RPTOR: variants seen among roughly 807,000 people sequenced by gnomAD.
The protein encoded by RPTOR is regulatory-associated protein of mTOR.
Under a neutral mutation model 169.9 loss-of-function variants are expected in RPTOR, and 21 were observed. The observed-to-expected ratio is 0.12, with a 90% CI of 0.09 to 0.18. The LOEUF is 0.18. Ranked by LOEUF, RPTOR falls within the 10% of genes least tolerant of loss-of-function variation. The pLI, the probability that RPTOR is intolerant of heterozygous loss-of-function variation, is 1.00. For missense variants in RPTOR, 1,133 were observed against 1,855.9 expected (o/e 0.61, Z 7.16); for synonymous variants, 732 against 753.2 (o/e 0.97, Z 0.46).
chr17:80,780,750 C>T (rs890316818), intron 6 of RPTOR, among the ~76,000 whole-genome samples: 4 of 152,192 alleles, frequency 2.6e-5, no homozygotes, highest in African/African-American at 9.7e-5. Context: ...GTGGATCCTG[C>T]AGCTCCCTTC....
At chr17:80,829,279 T>G (rs543515533) in intron 9 of RPTOR, among the ~76,000 whole-genome samples, 4 of 152,062 alleles carry the variant, frequency 2.6e-5, no homozygotes, top group African/African-American at 9.6e-5. Flanking sequence ...GAGGCAGGCG[T>G]GGGGGCTTTC....
intron 5 of RPTOR, among the ~76,000 whole-genome samples, chr17:80,740,721 A>G (rs2066474963): frequency 1.3e-5 from 2 of 152,284 alleles, no homozygotes; most frequent in Non-Finnish European, 1.5e-5. Flanking sequence ...GAGAAAACAA[A>G]CAAAAAAAAA....
At chr17:80,631,423 G>A (rs199775101) in intron 2 of RPTOR, among the ~76,000 whole-genome samples, 2 of 152,236 alleles carry the variant, frequency 1.3e-5, no homozygotes, top group East Asian at 3.9e-4. Context: ...ATATGCAAGC[G>A]CACACTGGGG....
At position 80,791,450 on chromosome 17, in the gene RPTOR, G is replaced by T; in HGVS notation, c.831G>T (p.Trp277Cys). 1.2e-6 allele frequency: 2 copies of T among 1,613,016 alleles called. No individual in the cohort carries two copies. The highest frequency in any genetic ancestry group is 1.7e-6 in the Non-Finnish European group (2 of 1,179,704). The change falls in exon 7 of 34, where the codon TGG becomes TGT. Residue 277 changes from tryptophan (W) to cysteine (C), a missense_variant and splice_region_variant. By Grantham distance (215) the Trp-to-Cys change is radical. This residue lies in a region of RPTOR where 289 missense variants were observed against 585.8 expected (regional missense o/e 0.49). Transcript: ENST00000306801. ...TTCACATTCTTTTCTTTCTCTGCAGGTTTTGCATGCAGAAATGTGTCAGTC... is the reference window on the plus strand; with the variant it reads ...TTCACATTCTTTTCTTTCTCTGCAGTTTTTGCATGCAGAAATGTGTCAGTC... ...LTTPIKIALR[W>C]FCMQKCVSLV...
At chr17:80,550,349 C>G (rs2084329608) in intron 1 of RPTOR, among the ~76,000 whole-genome samples, 1 of 152,212 alleles carries the variant, frequency 6.6e-6, no homozygotes, top group African/African-American at 2.4e-5. Context: ...TCGGATTTTC[C>G]TCTTAGGTCA....
rs537666109 is a variant in RPTOR, at chr17:80,959,170, G to A, written c.3478-908G>A. On this transcript the variant is annotated intron_variant, in intron 29 of 33. Transcript: ENST00000306801. The surrounding 1 kb of genome is among the most constrained non-coding windows in gnomAD (Gnocchi z 6.7). The stretch of plus-strand genomic sequence containing the variant: ...CCGTGTGGGCAGCCTCCCCTCTGAC[G>A]TGACCGTGGATCCCTCGAGGCACCA... 1.8e-4 allele frequency among the ~76,000 whole-genome samples: 28 copies of A among 152,362 alleles called. 1 individual carries two copies. The highest frequency in any genetic ancestry group is 6.7e-4 in the African/African-American group (28 of 41,588).
intron 9 of RPTOR, among the ~76,000 whole-genome samples, chr17:80,837,034 G>A (rs1894675002): frequency 6.6e-6 from 1 of 152,170 alleles, no homozygotes; most frequent in African/African-American, 2.4e-5. Flanking sequence ...AGCTGCAGCA[G>A]TGCGGCCCTG....
intron 12 of RPTOR, 105 bp from the exon 13 acceptor site, chr17:80,857,685 C>A: frequency 2.9e-6 from 2 of 700,972 alleles, no homozygotes; most frequent in Non-Finnish European, 5.0e-6. Context: ...TTGCGTTTCC[C>A]ATATGTGCTG....
At chr17:80,862,138 G>A (rs1169821743) in intron 13 of RPTOR, among the ~76,000 whole-genome samples, 1 of 152,166 alleles carries the variant, frequency 6.6e-6, no homozygotes, top group African/African-American at 2.4e-5. Context: ...TGCTTGGGGA[G>A]CTGTTCCCAC....
intron 6 of RPTOR, among the ~76,000 whole-genome samples, chr17:80,756,767 ATTACGCATTGT>A (rs757170216): frequency 2.0e-5 from 3 of 152,224 alleles, no homozygotes; most frequent in Admixed American, 1.3e-4. Context: ...TGATTTGATC[ATTACGCATTGT>A]ATGCACGGAT....
At chr17:80,813,829 A>C (rs1461036578) in intron 7 of RPTOR, among the ~76,000 whole-genome samples, 1 of 152,214 alleles carries the variant, frequency 6.6e-6, no homozygotes, top group East Asian at 1.9e-4. Flanking sequence ...AGATGATATA[A>C]ATTTTTAAAA....
chr17:80,895,482 C>A (rs2068387227), intron 20 of RPTOR, among the ~76,000 whole-genome samples: 1 of 152,258 alleles, frequency 6.6e-6, no homozygotes, highest in Non-Finnish European at 1.5e-5. Flanking sequence ...GAGAGCCGCA[C>A]GTGCAGGAAC....
chr17:80,778,466 G>A lies in RPTOR; in HGVS notation c.831-12984G>A, dbSNP rs192379606. Among the ~76,000 whole-genome samples the A allele has an allele frequency of 1.2e-4, 19 of 152,294 alleles. No homozygotes were observed. The East Asian group carries it at 3.5e-3, about 28-fold the overall frequency. On this transcript the variant is annotated intron_variant, in intron 6 of 33. Coordinates refer to ENST00000306801, the MANE Select transcript of RPTOR (RefSeq NM_020761.3). The stretch of plus-strand genomic sequence containing the variant: ...ATCACAAAGAAATAGTCTTTCTAAA[G>A]TTTTCCTTCCATTTTAATTCTTTTG...
chr17:80,652,482 G>C (rs1390072751), intron 3 of RPTOR, among the ~76,000 whole-genome samples: 1 of 152,172 alleles, frequency 6.6e-6, no homozygotes, highest in African/African-American at 2.4e-5. Context: ...GCATGTATCA[G>C]TAATTTAATC....
rs146254341 is a variant in RPTOR, at chr17:80,778,202, T to G, written c.831-13248T>G. 3.1e-3 allele frequency among the ~76,000 whole-genome samples: 470 copies of G among 152,322 alleles called. 2 individuals are homozygous for G. Among genetic ancestry groups the G allele is most frequent in the African/African-American group, 0.011 (453 of 41,564 alleles). On this transcript the variant is annotated intron_variant, in intron 6 of 33. Transcript: ENST00000306801. The stretch of plus-strand genomic sequence containing the variant: ...CGCAAGGTGCTAGGCCAGTGACATC[T>G]CTGATCTTGGGAGCCGCTGTTAGGA...
chr17:80,731,519 GA>G (rs762168998), intron 5 of RPTOR, among the ~76,000 whole-genome samples: 3 of 152,290 alleles, frequency 2.0e-5, no homozygotes, highest in East Asian at 1.9e-4. Flanking sequence ...CTCTGCTAAT[GA>G]AGAGACATTT....
intron 1 of RPTOR, among the ~76,000 whole-genome samples, chr17:80,564,763 G>C (rs2084556579): frequency 6.6e-6 from 1 of 151,876 alleles, no homozygotes; most frequent in African/African-American, 2.4e-5. Context: ...CTACCCTCAA[G>C]TAGGCCCCAG....
Position 80,651,349 on chromosome 17 carries a change from G to A in RPTOR, c.348+7539G>A, listed in dbSNP as rs534327386. The stretch of plus-strand genomic sequence containing the variant: ...GCCAAATTGGAAAGTGCTGATCAAG[G>A]GGGAAACGATCAATAACAGATTGGA... On this transcript the variant is annotated intron_variant, in intron 3 of 33. Transcript: ENST00000306801. The surrounding 1 kb of genome is among the most constrained non-coding windows in gnomAD (Gnocchi z 4.1). 1.6e-4 allele frequency among the ~76,000 whole-genome samples: 25 copies of A among 152,276 alleles called. No individual in the cohort carries two copies. The highest frequency in any genetic ancestry group is 6.0e-4 in the African/African-American group (25 of 41,548).
At chr17:80,570,006 A>C (rs2064886531) in intron 1 of RPTOR, among the ~76,000 whole-genome samples, 1 of 152,074 alleles carries the variant, frequency 6.6e-6, no homozygotes. Context: ...GCAGGGACTC[A>C]AGGAGCCCAG....
Sources: gnomAD v4.1 joint callset for allele counts (sites outside exome capture counted in the v4.1 genomes callset) on GRCh38, gnomAD v4.1.1 for gene constraint, gnomAD v4.1.1 regional missense constraint, Gnocchi (gnomAD v3.1) non-coding constraint, MANE v1.5 for transcripts, NCBI Gene and HGNC (gene_info 2026-07-23, HGNC 2026-07-21) for gene names.